The following PPIL6 variants were observed in gnomAD, a reference collection of about 807,000 sequenced individuals.
PPIL6 encodes peptidylprolyl isomerase like 6.
PPIL6 carries 39 observed loss-of-function variants against 36.8 expected under a neutral mutation model. That is an observed-to-expected ratio of 1.06 (90% CI 0.82 to 1.38). The LOEUF (loss-of-function observed/expected upper bound fraction) is 1.38, where lower values mean the gene tolerates loss of function less well. PPIL6 is among the 40% of genes most tolerant of loss of function. The probability of loss-of-function intolerance (pLI) is 0.00; values close to 1 mark genes in which losing one functional copy is unlikely to be tolerated. For synonymous variants in PPIL6, 123 were observed against 134.1 expected, an observed-to-expected ratio of 0.92 and a Z score of 0.57; for missense variants, 368 against 379.1, an observed-to-expected ratio of 0.97 and a Z score of 0.24.
At chr6:109,398,644 T>C (rs1469279003) in intron 7 of PPIL6, among the ~76,000 whole-genome samples, 1 of 152,238 alleles carries the variant, frequency 6.6e-6, no homozygotes, top group African/African-American at 2.4e-5. Flanking sequence ...GCTAATAATA[T>C]TCTAATAATA....
At chr6:109,422,002 G>A (rs926734532) in intron 5 of PPIL6, among the ~76,000 whole-genome samples, 7 of 152,126 alleles carry the variant, frequency 4.6e-5, no homozygotes, top group South Asian at 2.1e-4. Flanking sequence ...TCAGCCTCCC[G>A]AGCAGCTGGG....
intron 6 of PPIL6, among the ~76,000 whole-genome samples, chr6:109,415,641 G>C (rs1238124561): frequency 2.0e-5 from 3 of 152,180 alleles, no homozygotes; most frequent in Non-Finnish European, 4.4e-5. Flanking sequence ...AACTTGTTTT[G>C]AGCTTGATGG....
At chr6:109,426,128 G>T (rs1182905735) in intron 5 of PPIL6, among the ~76,000 whole-genome samples, 1 of 152,314 alleles carries the variant, frequency 6.6e-6, no homozygotes, top group Middle Eastern at 3.4e-3. Context: ...CATGTAGGAT[G>T]CTTGGAATAT....
intron 6 of PPIL6, among the ~76,000 whole-genome samples, chr6:109,414,500 TTTG>T (rs1562262613): frequency 8.2e-6 from 1 of 121,378 alleles, no homozygotes; most frequent in Non-Finnish European, 1.6e-5. Context: ...TTTTTTTTTT[TTTG>T]AGACAAGGTC....
At position 109,400,135 on chromosome 6, in the gene PPIL6, C is replaced by T. The variant is rs1481652858; in HGVS notation, c.724G>A (p.Val242Ile). 1.9e-6 allele frequency: 3 copies of T among 1,613,314 alleles called. No individual in the cohort carries two copies. Among genetic ancestry groups the T allele is most frequent in the Non-Finnish European group, 2.5e-6 (3 of 1,179,526 alleles). Residue 242 changes from valine to isoleucine, a missense_variant, in exon 7 of 8, where the codon GTA becomes ATA. Coordinates refer to ENST00000521072, the MANE Select transcript of PPIL6 (RefSeq NM_173672.5). ...NFSVPHNKRG[V>I]LGMANKGRHS... ...CGGCCTTTGTTGGCCATTCCAAGTACTCCTCTTTTATTATGAGGAACTGAA... is the reference window on the plus strand; with the variant it reads ...CGGCCTTTGTTGGCCATTCCAAGTATTCCTCTTTTATTATGAGGAACTGAA...
At position 109,391,417 on chromosome 6, in the gene PPIL6, A is replaced by G. The variant is rs1772096761; in HGVS notation, c.*1409T>C. 1 of 151,952 alleles carries G rather than the reference A, an allele frequency of 6.6e-6. No individual in the cohort carries two copies. Among genetic ancestry groups the G allele is most frequent in the Non-Finnish European group, 1.5e-5 (1 of 68,080 alleles). 9.4% of individuals were successfully genotyped at this position (151,952 alleles called of 1,614,324 possible). A position where few individuals can be genotyped will look rare whatever the true frequency, so the allele number is the denominator to read the frequency against. On this transcript the variant is annotated 3_prime_UTR_variant, in exon 8 of 8. Coordinates refer to ENST00000521072, the MANE Select transcript of PPIL6 (RefSeq NM_173672.5). ...AGCAGAGTCAAGCACTCTGCTGACTACATTACACCATGGGGACTGGAACCA... is the reference window on the plus strand; with the variant it reads ...AGCAGAGTCAAGCACTCTGCTGACTGCATTACACCATGGGGACTGGAACCA...
At chr6:109,412,534 A>G (rs1394400299) in intron 6 of PPIL6, among the ~76,000 whole-genome samples, 2 of 152,248 alleles carry the variant, frequency 1.3e-5, no homozygotes, top group Admixed American at 1.3e-4. Flanking sequence ...ATACTGGCAT[A>G]AAAACAGACA....
In PPIL6 at chr6:109,413,068, G is replaced by T; in HGVS notation, c.688+6119C>A. ...AGCTATTTGGGAGGCTGAGGGAGGA[G>T]AATTGCTTGAACCCAGGCAGCGGAG... On this transcript the variant is annotated intron_variant, in intron 6 of 7. Transcript: ENST00000521072. The surrounding 1 kb of genome is among the most constrained non-coding windows in gnomAD (Gnocchi z 4.6). Among the ~76,000 whole-genome samples the T allele has an allele frequency of 6.6e-6, 1 of 152,170 alleles. No individual in the cohort carries two copies. The highest frequency in any genetic ancestry group is 1.9e-4 in the East Asian group (1 of 5,188).
upstream of PPIL6, chr6:109,440,827 C>A: frequency 2.6e-6 from 1 of 389,124 alleles, no homozygotes; most frequent in Non-Finnish European, 4.5e-6. Context: ...CCCGGGGGCG[C>A]TCTCCGGACC....
At chr6:109,420,332 C>CAAAAAA (rs564751735) in intron 5 of PPIL6, among the ~76,000 whole-genome samples, 594 of 50,610 alleles carry the variant, frequency 0.012, 1 homozygote, top group Non-Finnish European at 0.016. Context: ...GACTCCATCT[C>CAAAAAA]AAAAAAAAAA....
Position 109,440,404 on chromosome 6 carries a change from G to A in PPIL6, c.135+52C>T, listed in dbSNP as rs112826718. ...CGCGGCGCCTGCAGTCCACGCGGCC[G>A]AGAGCGGGTAGCGGGGAGGGCCGCC... On this transcript the variant is annotated intron_variant, in intron 1 of 7. Coordinates refer to ENST00000521072, the MANE Select transcript of PPIL6 (RefSeq NM_173672.5). 2.0e-5 allele frequency: 30 copies of A among 1,525,536 alleles called. No homozygotes were observed. The African/African-American group carries it at 2.7e-4, about 14-fold the overall frequency. 94.5% of individuals were successfully genotyped at this position (1,525,536 alleles called of 1,614,324 possible). A position where few individuals can be genotyped will look rare whatever the true frequency, so the allele number is the denominator to read the frequency against.
At chr6:109,434,766 T>G (rs1343745191) in intron 2 of PPIL6, among the ~76,000 whole-genome samples, 1 of 152,144 alleles carries the variant, frequency 6.6e-6, no homozygotes, top group East Asian at 1.9e-4. Context: ...AAACTAGGAC[T>G]GGGACCATCT....
At chr6:109,436,327 AG>A in intron 1 of PPIL6, 128 bp from the exon 2 acceptor site, 1 of 611,642 alleles carries the variant, frequency 1.6e-6, no homozygotes, top group South Asian at 2.0e-5. Flanking sequence ...AGTCCGACTG[AG>A]ATATTCCTTG....
At chr6:109,424,355 G>C (rs578114280) in intron 5 of PPIL6, among the ~76,000 whole-genome samples, 4 of 152,126 alleles carry the variant, frequency 2.6e-5, no homozygotes, top group East Asian at 3.9e-4. Context: ...GTGTGCAACC[G>C]AGTGTGTAAG....
rs1562272748 is a variant in PPIL6 at position 109,431,217 on chromosome 6, G to A, written c.360C>T (p.Pro120=). 1 of 1,614,058 alleles carries A rather than the reference G, an allele frequency of 6.2e-7. No homozygotes were observed. The highest frequency in any genetic ancestry group is 1.7e-5 in the Admixed American group (1 of 60,006). ...CAGTGAGTGCGTCATAAAGTGCAGA[G>A]GGTTTAATGTCAACTATATCCCACA... ...HEVWDIVDIK[P]SALYDALTED... is the part of the protein sequence containing the mutation. The change falls in exon 3 of 8, where the codon CCC becomes CCT. Residue 120 remains proline, a synonymous_variant. Transcript: ENST00000521072.
upstream of PPIL6, chr6:109,441,021 A>T: frequency 8.2e-7 from 1 of 1,226,648 alleles, no homozygotes; most frequent in South Asian, 1.3e-5. Flanking sequence ...GCCTGCGAAG[A>T]AGGAACGGTC....
chr6:109,398,378 C>T (rs1772388131), intron 7 of PPIL6, among the ~76,000 whole-genome samples: 1 of 152,152 alleles, frequency 6.6e-6, no homozygotes, highest in Non-Finnish European at 1.5e-5. Flanking sequence ...AAGCATTACA[C>T]TAAAGGAATT....
chr6:109,417,346 A>G (rs1034925535), intron 6 of PPIL6, among the ~76,000 whole-genome samples: 2 of 150,524 alleles, frequency 1.3e-5, no homozygotes, highest in Non-Finnish European at 3.0e-5. Flanking sequence ...CCAGGAGTTC[A>G]AGTCCAGCTT....
chr6:109,431,050 T>C, intron 3 of PPIL6, 107 bp downstream of exon 3: 1 of 806,200 alleles, frequency 1.2e-6, no homozygotes, highest in Non-Finnish European at 1.9e-6. Flanking sequence ...AAACTTAGTC[T>C]CCTACTTTTT....
Sources: gnomAD v4.1 joint callset for allele counts (sites outside exome capture counted in the v4.1 genomes callset) on GRCh38, gnomAD v4.1.1 for gene constraint, Gnocchi (gnomAD v3.1) non-coding constraint, MANE v1.5 for transcripts, NCBI Gene and HGNC (gene_info 2026-07-23, HGNC 2026-07-21) for gene names.